Variants in CTNNA3 observed in about 807,000 individuals in gnomAD.
CTNNA3 encodes catenin alpha-3.
In CTNNA3, 76 loss-of-function variants were observed where a neutral mutation model predicts 95.7. The ratio of observed to expected loss-of-function variants is 0.79; its 90% confidence interval spans 0.66 to 0.96. CTNNA3 has a LOEUF of 0.96. Ranked by LOEUF, CTNNA3 falls within the 40% of genes least tolerant of loss-of-function variation. The probability of loss-of-function intolerance (pLI) is 0.00; values close to 1 mark genes in which losing one functional copy is unlikely to be tolerated. For synonymous variants in CTNNA3, 431 were observed against 374.4 expected, an observed-to-expected ratio of 1.15 and a Z score of -1.74; for missense variants, 1,191 against 1,089.8, an observed-to-expected ratio of 1.09 and a Z score of -1.31.
chr10:66,565,985 A>G (rs1453811971), intron 10 of CTNNA3, among the ~76,000 whole-genome samples: 2 of 152,188 alleles, frequency 1.3e-5, no homozygotes, highest in East Asian at 3.8e-4. Flanking sequence ...AGAAATCCTG[A>G]GGTCAGGACG....
At chr10:66,962,027 C>A (rs116554394) in intron 7 of CTNNA3, among the ~76,000 whole-genome samples, 4,057 of 152,268 alleles carry the variant, frequency 0.027, 176 homozygotes, top group African/African-American at 0.092. Context: ...ATTGCCACTA[C>A]TCTGGTTTAA....
intron 5 of CTNNA3, among the ~76,000 whole-genome samples, chr10:67,274,350 T>A (rs12242288): frequency 0.14 from 21,225 of 152,124 alleles, 3,079 homozygotes; most frequent in African/African-American, 0.37. Flanking sequence ...GAGTTACTAG[T>A]ATACAAGGGT....
At chr10:66,766,219 C>T (rs1247063538) in intron 9 of CTNNA3, 45 bp downstream of exon 9, 2 of 1,584,872 alleles carry the variant, frequency 1.3e-6, no homozygotes, top group Non-Finnish European at 8.6e-7. Context: ...GAATGGGAGC[C>T]TCATTCTCCT....
chr10:66,426,471 C>A (rs1020560767), intron 11 of CTNNA3, among the ~76,000 whole-genome samples: 1 of 152,028 alleles, frequency 6.6e-6, no homozygotes, highest in African/African-American at 2.4e-5. Context: ...GTAAACTCCT[C>A]ATTTTTTGAA....
At chr10:67,401,456 G>C (rs1564626556) in intron 5 of CTNNA3, among the ~76,000 whole-genome samples, 1 of 152,138 alleles carries the variant, frequency 6.6e-6, no homozygotes, top group Non-Finnish European at 1.5e-5. Flanking sequence ...AGAGACTGAA[G>C]AAGAAGGAAG....
intron 5 of CTNNA3, among the ~76,000 whole-genome samples, chr10:67,496,828 T>C (rs1839038238): frequency 6.6e-6 from 1 of 152,194 alleles, no homozygotes; most frequent in Non-Finnish European, 1.5e-5. Context: ...ATAATTCCAA[T>C]GATAAACACT....
chr10:66,690,489 C>A (rs544880681), intron 9 of CTNNA3, among the ~76,000 whole-genome samples: 4 of 150,166 alleles, frequency 2.7e-5, no homozygotes, highest in South Asian at 2.2e-4. Flanking sequence ...CCCCACCCCA[C>A]AACAGTCCCC....
chr10:67,303,438 G>T (rs1449513274), intron 5 of CTNNA3, among the ~76,000 whole-genome samples: 1 of 152,200 alleles, frequency 6.6e-6, no homozygotes, highest in Non-Finnish European at 1.5e-5. Flanking sequence ...CAGCCTTCCA[G>T]GCTGAAGAAG....
intron 9 of CTNNA3, among the ~76,000 whole-genome samples, chr10:66,702,803 T>C (rs1206928284): frequency 2.0e-5 from 3 of 151,914 alleles, no homozygotes; most frequent in Non-Finnish European, 4.4e-5. Flanking sequence ...TCTTTGGCTT[T>C]ATAAACTGAC....
chr10:67,414,770 G>C (rs1484910595), intron 5 of CTNNA3, among the ~76,000 whole-genome samples: 2 of 152,174 alleles, frequency 1.3e-5, no homozygotes, highest in African/African-American at 4.8e-5. Context: ...ATTCAATACT[G>C]AAATCACATT....
At chr10:67,144,229 C>T (rs4745928) in intron 7 of CTNNA3, among the ~76,000 whole-genome samples, 97,525 of 152,136 alleles carry the variant, frequency 0.64, 32,321 homozygotes, top group African/African-American at 0.82. Flanking sequence ...TAAACAGACA[C>T]GCTGCCATCT....
chr10:67,232,422 G>A (rs1191638389), intron 5 of CTNNA3, among the ~76,000 whole-genome samples: 2 of 151,966 alleles, frequency 1.3e-5, no homozygotes, highest in Non-Finnish European at 2.9e-5. Flanking sequence ...AGCTTCATAA[G>A]TGAAGGAGAA....
At chr10:67,745,740 AATC>A (rs1232113420) in intron 1 of CTNNA3, among the ~76,000 whole-genome samples, 4 of 152,202 alleles carry the variant, frequency 2.6e-5, no homozygotes, top group African/African-American at 9.6e-5. Context: ...CAGAGTACTG[AATC>A]AACATGCAAA....
intron 10 of CTNNA3, among the ~76,000 whole-genome samples, chr10:66,577,092 AT>A (rs1218801990): frequency 2.1e-4 from 32 of 150,530 alleles, no homozygotes; most frequent in Non-Finnish European, 3.1e-4. Context: ...CATAATGAAC[AT>A]TTTTTCACGT....
chr10:67,489,073 C>T (rs186089824), intron 5 of CTNNA3, among the ~76,000 whole-genome samples: 11 of 152,076 alleles, frequency 7.2e-5, no homozygotes, highest in Non-Finnish European at 1.5e-4. Flanking sequence ...GATTATTTTT[C>T]CCTAACATGT....
chr10:66,969,616 C>T (rs1469161483), intron 7 of CTNNA3, among the ~76,000 whole-genome samples: 1 of 151,982 alleles, frequency 6.6e-6, no homozygotes, highest in Non-Finnish European at 1.5e-5. Context: ...TATAACTGCT[C>T]CCAGTAGTTA....
intron 7 of CTNNA3, among the ~76,000 whole-genome samples, chr10:66,796,991 C>G (rs1245591212): frequency 6.6e-6 from 1 of 151,840 alleles, no homozygotes; most frequent in Admixed American, 6.6e-5. Context: ...ATATTTCTAG[C>G]CTTGAAACAC....
chr10:67,276,093 A>G (rs764676286), intron 5 of CTNNA3, among the ~76,000 whole-genome samples: 2 of 152,166 alleles, frequency 1.3e-5, no homozygotes, highest in Non-Finnish European at 2.9e-5. Flanking sequence ...TCACCAAAAT[A>G]CAGACTTACC....
intron 11 of CTNNA3, among the ~76,000 whole-genome samples, chr10:66,429,430 G>GC (rs138624110): frequency 0.38 from 57,814 of 151,502 alleles, 11,583 homozygotes; most frequent in African/African-American, 0.5. Flanking sequence ...TGATACCAAA[G>GC]CTGGCAGAGA....
Sources: gnomAD v4.1 joint callset for allele counts (sites outside exome capture counted in the v4.1 genomes callset) on GRCh38, gnomAD v4.1.1 for gene constraint, MANE v1.5 for transcripts, NCBI Gene and HGNC (gene_info 2026-07-23, HGNC 2026-07-21) for gene names.